Variants in DNAH2 observed in about 807,000 individuals in gnomAD.
DNAH2 encodes dynein axonemal heavy chain 2.
DNAH2 carries 323 observed loss-of-function variants against 523.5 expected under a neutral mutation model. The ratio of observed to expected loss-of-function variants is 0.62; its 90% CI spans 0.56 to 0.68. The LOEUF is 0.68. Ranked by LOEUF, DNAH2 falls within the 30% of genes least tolerant of loss-of-function variation. The pLI is 0.00. For synonymous variants in DNAH2, 2,093 were observed against 2,177.4 expected (o/e 0.96, Z 1.08); for missense variants, 4,907 against 5,701.5 (o/e 0.86, Z 4.49).
chr17:7,813,526 G>A (rs1203208888), intron 63 of DNAH2, among the ~76,000 whole-genome samples: 1 of 152,184 alleles, frequency 6.6e-6, no homozygotes. Context: ...TAAAAAGAAT[G>A]AGGCAGCTCA....
intron 12 of DNAH2, among the ~76,000 whole-genome samples, chr17:7,755,749 G>A (rs62062619): frequency 0.27 from 41,487 of 151,706 alleles, 6,181 homozygotes; most frequent in Non-Finnish European, 0.33. Flanking sequence ...CTGGATATGA[G>A]GTGGCAAAGG....
chr17:7,719,859 G>A lies in DNAH2; in HGVS notation c.125G>A (p.Ser42Asn). The change falls in exon 2 of 86, where the codon AGT (serine) becomes AAT (asparagine). Residue 42 changes from serine to asparagine, a missense_variant. Coordinates refer to ENST00000572933, the MANE Select transcript of DNAH2 (RefSeq NM_020877.5). Reference sequence around the variant, plus strand: ...GAGCAGGGGAATGCCCCGGCTGTCAGTGAGCCAGAGCTGCAGGCTGAGCTC... The same window carrying A: ...GAGCAGGGGAATGCCCCGGCTGTCAATGAGCCAGAGCTGCAGGCTGAGCTC... The part of the protein sequence containing the change: ...TQEQGNAPAV[S>N]EPELQAELPK... The A allele has an allele frequency of 1.3e-6, 2 of 1,594,886 alleles. No homozygotes were observed. The highest frequency in any genetic ancestry group is 1.7e-6 in the Non-Finnish European group (2 of 1,170,410).
At position 7,788,211 on chromosome 17, in the gene DNAH2, G is replaced by T. The variant is rs747156642; in HGVS notation, c.6867G>T (p.Lys2289Asn). 4.4e-6 allele frequency: 7 copies of T among 1,604,556 alleles called. No individual in the cohort carries two copies. Among genetic ancestry groups the T allele is most frequent in the Non-Finnish European group, 5.1e-6 (6 of 1,175,538 alleles). ...PEYSGITSLC[K>N]LYSALATPEN... ...ACAGCGGTATCACCTCCCTCTGCAA[G>T]CTGTACTCTGCCCTGGCCACGCCAG... The change falls in exon 44 of 86, where the codon AAG becomes AAT. Residue 2289 changes from lysine (K) to asparagine (N), a missense_variant. Physicochemically the swap from Lys to Asn is moderately conservative, Grantham distance 94. Transcript: ENST00000572933.
chr17:7,801,114 C>G (rs943085041), intron 56 of DNAH2, among the ~76,000 whole-genome samples: 1 of 151,934 alleles, frequency 6.6e-6, no homozygotes, highest in African/African-American at 2.4e-5. Flanking sequence ...CTCAAGGAAG[C>G]CACCTGCCTT....
intron 18 of DNAH2, among the ~76,000 whole-genome samples, chr17:7,762,510 A>G (rs571980949): frequency 4.3e-4 from 65 of 151,592 alleles, no homozygotes; most frequent in African/African-American, 1.5e-3. Context: ...TAATTTTTGT[A>G]TTTTTAGTAG....
chr17:7,760,116 C>T lies in DNAH2; in HGVS notation c.2785+178C>T, dbSNP rs1285828925. 6.6e-6 allele frequency among the ~76,000 whole-genome samples: 1 copy of T among 152,154 alleles called. No individual in the cohort carries two copies. The highest frequency in any genetic ancestry group is 2.4e-5 in the African/African-American group (1 of 41,438). The stretch of plus-strand genomic sequence containing the variant: ...GGCACAGTGGCTTGTGCCTGTAATC[C>T]CAGCACTTTGGGAGGCTGAGGCAGG... On this transcript the variant is annotated intron_variant, in intron 17 of 85. Coordinates refer to ENST00000572933, the MANE Select transcript of DNAH2 (RefSeq NM_020877.5). The surrounding 1 kb of genome is among the most constrained non-coding windows in gnomAD (Gnocchi z 4.0).
chr17:7,763,900 C>G lies in DNAH2; in HGVS notation c.3048C>G (p.Asp1016Glu), dbSNP rs775116612. Residue 1016 changes from aspartate to glutamate, a missense_variant, in exon 19 of 86, where the codon GAC becomes GAG. Transcript: ENST00000572933. Reference protein sequence around the residue: ...TVTNIQFVLLDCSHLKFSLVQ... With the variant: ...TVTNIQFVLLECSHLKFSLVQ... ...CCAACATCCAGTTTGTGCTGCTGGA[C>G]TGTTCGCACCTCAAGTTCTCCCTGG... 1 of 1,614,220 alleles carries G rather than the reference C, an allele frequency of 6.2e-7. No homozygotes were observed.
rs1315095857 is a variant in DNAH2 at position 7,823,011 on chromosome 17, T to G, written c.11143-431T>G. ...CTTCACTCTCATACAAAAGCCATTTTGGGCTGGGCGCGGTGGCTGACACCT... is the reference window on the plus strand; with the variant it reads ...CTTCACTCTCATACAAAAGCCATTTGGGGCTGGGCGCGGTGGCTGACACCT... On this transcript the variant is annotated intron_variant, in intron 73 of 85. Transcript: ENST00000572933. Among the ~76,000 whole-genome samples the G allele has an allele frequency of 2.0e-5, 3 of 152,220 alleles. No homozygotes were observed. In the East Asian group the frequency reaches 5.8e-4, roughly 29 times the overall value.
At chr17:7,788,310 T>C (rs8070826) in intron 44 of DNAH2, 66 bp downstream of exon 44, 850,837 of 1,478,494 alleles carry the variant, frequency 0.58, 249,023 homozygotes, top group Admixed American at 0.65. Context: ...GAACAACTTC[T>C]GGGAAACGGC....
intron 13 of DNAH2, among the ~76,000 whole-genome samples, chr17:7,757,439 G>A (rs2075876624): frequency 6.6e-6 from 1 of 152,084 alleles, no homozygotes; most frequent in Admixed American, 6.6e-5. Context: ...GCTGCAGGGT[G>A]GAGAGTAAAG....
chr17:7,777,683 A>G (rs926380018), intron 33 of DNAH2, 49 bp downstream of exon 33: 1 of 1,602,268 alleles, frequency 6.2e-7, no homozygotes, highest in Non-Finnish European at 8.5e-7. Context: ...ATGGATCCTA[A>G]TGCTTTTATT....
At position 7,798,783 on chromosome 17, in the gene DNAH2, C is replaced by G; in HGVS notation, c.8559+65C>G. ...GCCTGCCTAGCTGACCCCAGAAGGACCACAGCTCCCAGAATGTGCCACTGG... is the reference window on the plus strand; with the variant it reads ...GCCTGCCTAGCTGACCCCAGAAGGAGCACAGCTCCCAGAATGTGCCACTGG... On this transcript the variant is annotated intron_variant, in intron 55 of 85. Coordinates refer to ENST00000572933, the MANE Select transcript of DNAH2 (RefSeq NM_020877.5). The surrounding 1 kb of genome is among the most constrained non-coding windows in gnomAD (Gnocchi z 5.5). 1.3e-6 allele frequency: 2 copies of G among 1,553,238 alleles called. No homozygotes were observed. Among genetic ancestry groups the G allele is most frequent in the Non-Finnish European group, 1.7e-6 (2 of 1,147,538 alleles).
intron 77 of DNAH2, among the ~76,000 whole-genome samples, chr17:7,825,283 C>T (rs1329089957): frequency 1.3e-5 from 2 of 152,212 alleles, no homozygotes; most frequent in African/African-American, 4.8e-5. Context: ...TGTCACTGCG[C>T]TTCACCCACT....
chr17:7,736,691 G>A (rs929645933), intron 7 of DNAH2, among the ~76,000 whole-genome samples: 1 of 152,104 alleles, frequency 6.6e-6, no homozygotes, highest in African/African-American at 2.4e-5. Context: ...TGGTTAAAAA[G>A]CACTTGTGGG....
intron 5 of DNAH2, 93 bp from the exon 6 acceptor site, chr17:7,734,090 T>G: frequency 9.1e-7 from 1 of 1,098,798 alleles, no homozygotes. Flanking sequence ...TGCATATGCT[T>G]CCTGGTCCCC....
In DNAH2 at chr17:7,760,624, G is replaced by T; in HGVS notation, c.2786-116G>T. 2 of 963,904 alleles carry T rather than the reference G, an allele frequency of 2.1e-6. No individual in the cohort carries two copies. Among genetic ancestry groups the T allele is most frequent in the Non-Finnish European group, 3.1e-6 (2 of 646,182 alleles). The allele number at this position is 963,904 out of a possible 1,614,324, so 59.7% of individuals were successfully genotyped here. A position where few individuals can be genotyped will look rare whatever the true frequency, so the allele number is the denominator to read the frequency against. ...ACCTTCTAATGTGCATGTTTGAGCT[G>T]TATTTCTCTGGGAAGCTGGTTTTAG... On this transcript the variant is annotated intron_variant, in intron 17 of 85. Transcript: ENST00000572933. This position sits in a 1 kb window ranked among gnomAD's most constrained non-coding sequence, Gnocchi z 4.0.
chr17:7,795,549 C>T (rs1243658706), intron 49 of DNAH2, among the ~76,000 whole-genome samples: 2 of 151,520 alleles, frequency 1.3e-5, no homozygotes, highest in African/African-American at 4.8e-5. Context: ...TGGTGCACAC[C>T]TGTGTTCCCA....
chr17:7,742,302 G>A (rs1434345111), intron 11 of DNAH2, among the ~76,000 whole-genome samples: 3 of 151,974 alleles, frequency 2.0e-5, no homozygotes, highest in Non-Finnish European at 4.4e-5. Flanking sequence ...GTGGTGGCGG[G>A]CACCTGTAAT....
intron 48 of DNAH2, among the ~76,000 whole-genome samples, chr17:7,793,740 C>T (rs2076986229): frequency 6.6e-6 from 1 of 151,914 alleles, no homozygotes; most frequent in Non-Finnish European, 1.5e-5. Flanking sequence ...GTTGGCATTA[C>T]AGGCCTGAGC....
Sources: allele counts gnomAD v4.1 joint callset (sites outside exome capture counted in the v4.1 genomes callset), GRCh38; gene constraint gnomAD v4.1.1; non-coding constraint Gnocchi (gnomAD v3.1); transcripts MANE v1.5; gene names NCBI Gene and HGNC (gene_info 2026-07-23, HGNC 2026-07-21).